The following EML1 variants were observed in gnomAD, a reference collection of about 807,000 sequenced individuals.
The protein encoded by EML1 is EMAP like 1.
A neutral mutation model predicts 110.4 loss-of-function variants in EML1; 27 were observed. The observed-to-expected ratio is 0.24, with a 90% CI of 0.18 to 0.34. EML1 has a LOEUF of 0.34. Among genes scored for constraint, EML1 ranks in the 10% least tolerant of loss-of-function variants. EML1 has a pLI of 1.00. For synonymous variants in EML1, 344 were observed against 385.8 expected (o/e 0.89, Z 1.27); for missense variants, 741 against 1,030.9 (o/e 0.72, Z 3.85).
chr14:99,742,589 T>C (rs1566844805), intron 1 of EML1, among the ~76,000 whole-genome samples: 9 of 152,084 alleles, frequency 5.9e-5, no homozygotes, highest in Admixed American at 5.9e-4. Flanking sequence ...CAGTGGAGGC[T>C]GAGCCTGATA....
intron 17 of EML1, among the ~76,000 whole-genome samples, chr14:99,934,772 G>A (rs535439642): frequency 1.3e-4 from 20 of 152,190 alleles, no homozygotes; most frequent in African/African-American, 4.6e-4. Context: ...ACCTTTTCCC[G>A]GACTCACCTC....
chr14:99,936,259 T>G lies in EML1; in HGVS notation c.2020T>G (p.Phe674Val), dbSNP rs1344938182. Reference sequence around the variant, plus strand: ...TTTACCCTCCCAGGGTCATTCCAGCTTCATTACTCACCTGGACTGGTCTGT... The same window carrying G: ...TTTACCCTCCCAGGGTCATTCCAGCGTCATTACTCACCTGGACTGGTCTGT... ...RVGKCSGHSS[F>V]ITHLDWSVNS... The change falls in exon 19 of 22, where the codon TTC (phenylalanine) becomes GTC (valine). Residue 674 changes from phenylalanine to valine, a missense_variant. By Grantham distance (50) the Phe-to-Val change is conservative (BLOSUM62 -1). Coordinates refer to ENST00000262233, the MANE Select transcript of EML1 (RefSeq NM_004434.3). The surrounding 1 kb of genome is among the most constrained non-coding windows in gnomAD (Gnocchi z 5.5). The G allele has an allele frequency of 6.2e-7, 1 of 1,614,130 alleles. No homozygotes were observed. The highest frequency in any genetic ancestry group is 2.2e-5 in the East Asian group (1 of 44,878).
chr14:99,922,123 A>G (rs1566939348), intron 17 of EML1, among the ~76,000 whole-genome samples: 1 of 152,090 alleles, frequency 6.6e-6, no homozygotes, highest in Non-Finnish European at 1.5e-5. Flanking sequence ...TTTTATGGAT[A>G]TATACCACAT....
chr14:99,876,198 CA>C, intron 3 of EML1, among the ~76,000 whole-genome samples: 1 of 152,242 alleles, frequency 6.6e-6, no homozygotes, highest in Middle Eastern at 3.4e-3. Flanking sequence ...GGAGAGTGGC[CA>C]GCCCCAGGCA....
At chr14:99,874,904 C>A in intron 3 of EML1, 1 of 1,601,532 alleles carries the variant, frequency 6.2e-7, no homozygotes, top group Non-Finnish European at 8.5e-7. Flanking sequence ...ATTTATTCTG[C>A]TTTATTTCTG....
At chr14:99,922,966 C>T (rs1387802656) in intron 17 of EML1, among the ~76,000 whole-genome samples, 4 of 152,062 alleles carry the variant, frequency 2.6e-5, no homozygotes, top group Non-Finnish European at 4.4e-5. Flanking sequence ...GTTTTTGAGA[C>T]AGCATCTCAC....
At chr14:99,826,209 T>C (rs1480237593) in intron 1 of EML1, among the ~76,000 whole-genome samples, 1 of 148,458 alleles carries the variant, frequency 6.7e-6, no homozygotes, top group African/African-American at 2.5e-5. Flanking sequence ...TCCTCCCAGG[T>C]TCAAGCAATT....
chr14:99,799,841 G>T (rs1474722641), intron 1 of EML1, among the ~76,000 whole-genome samples: 1 of 152,204 alleles, frequency 6.6e-6, no homozygotes, highest in Non-Finnish European at 1.5e-5. Context: ...GTTACAGCTT[G>T]TTCATGCTAT....
chr14:99,780,534 G>C (rs1439659237), intron 1 of EML1, among the ~76,000 whole-genome samples: 1 of 152,058 alleles, frequency 6.6e-6, no homozygotes, highest in Non-Finnish European at 1.5e-5. Flanking sequence ...GCAGAACATG[G>C]AGGCAAACTC....
intron 9 of EML1, among the ~76,000 whole-genome samples, chr14:99,901,722 C>T (rs535804360): frequency 3.9e-5 from 6 of 152,270 alleles, no homozygotes; most frequent in African/African-American, 7.2e-5. Context: ...TCACTCTTGT[C>T]GCCATCTTGG....
chr14:99,780,197 T>A (rs12431804), intron 1 of EML1, among the ~76,000 whole-genome samples: 8 of 152,128 alleles, frequency 5.3e-5, no homozygotes, highest in Non-Finnish European at 8.8e-5. Flanking sequence ...CTTAATTACT[T>A]CCTAAAGGAC....
chr14:99,831,458 CT>C lies in EML1; in HGVS notation c.68-19394del, dbSNP rs1314415830. Among the ~76,000 whole-genome samples, 20 of 152,316 alleles carry C rather than the reference CT, an allele frequency of 1.3e-4. No homozygotes were observed. In the East Asian group the frequency reaches 2.1e-3, roughly 16 times the overall value. ...TCACTCCTGTTGCTCCCATCGGCAG[CT>C]GTGGGCCAGGGCCTCTCATCCTGTG... On this transcript the variant is annotated intron_variant, in intron 1 of 21. Transcript: ENST00000262233.
chr14:99,751,465 C>T (rs1292488291), intron 1 of EML1, among the ~76,000 whole-genome samples: 3 of 152,150 alleles, frequency 2.0e-5, no homozygotes, highest in Admixed American at 6.5e-5. Context: ...GTATGATTCC[C>T]GTCCTTGGGG....
chr14:99,866,963 T>C (rs1002535589), intron 3 of EML1, among the ~76,000 whole-genome samples: 4 of 152,202 alleles, frequency 2.6e-5, no homozygotes, highest in Admixed American at 6.5e-5. Flanking sequence ...AGGGGGTATG[T>C]GTGCAGGTTT....
At chr14:99,884,713 A>G (rs2059445197) in intron 4 of EML1, among the ~76,000 whole-genome samples, 1 of 152,232 alleles carries the variant, frequency 6.6e-6, no homozygotes, top group South Asian at 2.1e-4. Context: ...TTACTATAAA[A>G]TAAAGCACAG....
At chr14:99,786,728 TGCAGCAGGA>T (rs1421347317) in intron 1 of EML1, among the ~76,000 whole-genome samples, 1 of 152,220 alleles carries the variant, frequency 6.6e-6, no homozygotes, top group Non-Finnish European at 1.5e-5. Context: ...AGATGGCATT[TGCAGCAGGA>T]GTGCAGACTG....
At chr14:99,757,247 G>A (rs1304913021) in intron 1 of EML1, among the ~76,000 whole-genome samples, 1 of 151,914 alleles carries the variant, frequency 6.6e-6, no homozygotes, top group Non-Finnish European at 1.5e-5. Context: ...GCTGAGACAG[G>A]AGAATCACTT....
chr14:99,752,724 T>C (rs545805361), intron 1 of EML1, among the ~76,000 whole-genome samples: 2 of 152,346 alleles, frequency 1.3e-5, no homozygotes, highest in East Asian at 3.9e-4. Flanking sequence ...ATGGTCTTCC[T>C]GTGTGGCTTC....
exon 1 of EML1, chr14:99,737,764 G>C (rs949007496): frequency 7.8e-7 from 1 of 1,284,144 alleles, no homozygotes; most frequent in African/African-American, 1.5e-5. Flanking sequence ...CTGCTGGGTG[G>C]GTGACAGCCG....
Sources: gnomAD v4.1 joint callset for allele counts (sites outside exome capture counted in the v4.1 genomes callset) on GRCh38, gnomAD v4.1.1 for gene constraint, Gnocchi (gnomAD v3.1) non-coding constraint, MANE v1.5 for transcripts, NCBI Gene and HGNC (gene_info 2026-07-23, HGNC 2026-07-21) for gene names.